The following DPP10 variants were observed in gnomAD, a reference collection of about 807,000 sequenced individuals.
The protein encoded by DPP10 is dipeptidyl peptidase like 10.
A neutral mutation model predicts 120.9 loss-of-function variants in DPP10; 33 were observed. That is an observed-to-expected ratio of 0.27 (90% CI 0.21 to 0.37). The LOEUF (loss-of-function observed/expected upper bound fraction) is 0.37, where lower values mean the gene tolerates loss of function less well. Among genes scored for constraint, DPP10 ranks in the 10% least tolerant of loss-of-function variants. The pLI is 1.00. For missense variants in DPP10, 816 were observed against 942.8 expected (o/e 0.87, Z 1.76); for synonymous variants, 337 against 326.1 (o/e 1.03, Z -0.36).
intron 1 of DPP10, among the ~76,000 whole-genome samples, chr2:114,506,808 A>C (rs1683702951): frequency 6.6e-6 from 1 of 152,238 alleles, no homozygotes; most frequent in Non-Finnish European, 1.5e-5. Flanking sequence ...ATCATGCTTC[A>C]CAAAGACAGC....
chr2:115,442,612 A>G (rs1050302948), intron 3 of DPP10, among the ~76,000 whole-genome samples: 2 of 152,324 alleles, frequency 1.3e-5, no homozygotes, highest in African/African-American at 4.8e-5. Context: ...CAGTCGAACA[A>G]GATGCCATTT....
At chr2:115,682,716 G>A (rs1253419229) in intron 5 of DPP10, among the ~76,000 whole-genome samples, 1 of 151,722 alleles carries the variant, frequency 6.6e-6, no homozygotes, top group African/African-American at 2.4e-5. Context: ...GTGATTTTTG[G>A]TATGCTTTTA....
intron 1 of DPP10, among the ~76,000 whole-genome samples, chr2:114,474,092 G>A (rs1182845314): frequency 6.6e-6 from 1 of 152,070 alleles, no homozygotes; most frequent in African/African-American, 2.4e-5. Flanking sequence ...CGAGTAGCTG[G>A]GATTACAGGC....
chr2:115,105,411 G>T (rs181351632), intron 1 of DPP10, among the ~76,000 whole-genome samples: 1 of 140,842 alleles, frequency 7.1e-6, no homozygotes. Context: ...GGGAGCAGAT[G>T]TGTCACATGG....
chr2:114,877,361 A>T (rs936819408), intron 1 of DPP10, among the ~76,000 whole-genome samples: 2 of 152,050 alleles, frequency 1.3e-5, no homozygotes, highest in African/African-American at 4.8e-5. Context: ...GTAAGAAAGG[A>T]TACATAAGGT....
At position 115,753,365 on chromosome 2, in the gene DPP10, C is replaced by T. The variant is rs1010439409; in HGVS notation, c.1074+68C>T. 5.6e-6 allele frequency: 8 copies of T among 1,432,570 alleles called. No individual in the cohort carries two copies. The Admixed American group carries it at 7.1e-5, about 13-fold the overall frequency. The allele number at this position is 1,432,570 out of a possible 1,614,324, so 88.7% of individuals were successfully genotyped here. ...CTTATGCAGCTTTACAAAGGGGAAA[C>T]AGGAAATGCTTTGTACAAAAAAAAT... On this transcript the variant is annotated intron_variant, in intron 11 of 25. Coordinates refer to ENST00000410059, the MANE Select transcript of DPP10 (RefSeq NM_020868.6).
intron 3 of DPP10, among the ~76,000 whole-genome samples, chr2:115,483,425 G>GCCTA: frequency 6.8e-6 from 1 of 147,674 alleles, no homozygotes; most frequent in East Asian, 2.0e-4. Flanking sequence ...TGCCTGATAT[G>GCCTA]TCTATCTGTC....
intron 1 of DPP10, among the ~76,000 whole-genome samples, chr2:115,009,131 T>C (rs2105072083): frequency 7.5e-6 from 1 of 133,536 alleles, no homozygotes; most frequent in South Asian, 2.7e-4. Context: ...CATGCACACG[T>C]ATGTTTATTG....
At chr2:115,445,875 A>C (rs975494134) in intron 3 of DPP10, among the ~76,000 whole-genome samples, 5 of 152,164 alleles carry the variant, frequency 3.3e-5, no homozygotes, top group Non-Finnish European at 5.9e-5. Context: ...ACAGGCCTGG[A>C]GGTCTAGGAG....
At chr2:115,663,375 T>TG (rs2089168922) in intron 5 of DPP10, among the ~76,000 whole-genome samples, 1 of 152,218 alleles carries the variant, frequency 6.6e-6, no homozygotes, top group African/African-American at 2.4e-5. Flanking sequence ...CTAATGCATA[T>TG]GCATTCCATT....
intron 1 of DPP10, among the ~76,000 whole-genome samples, chr2:114,577,310 A>G (rs530481913): frequency 6.6e-6 from 1 of 152,202 alleles, no homozygotes; most frequent in Non-Finnish European, 1.5e-5. Context: ...AAAGCCAGGA[A>G]CCAACCTCGC....
chr2:114,663,664 T>TAGAGAGAGAGAGAGAGAGAGAG (rs1374317856), intron 1 of DPP10, among the ~76,000 whole-genome samples: 32 of 95,418 alleles, frequency 3.4e-4, no homozygotes, highest in African/African-American at 1.4e-3. Flanking sequence ...TATATATATA[T>TAGAGAGAGAGAGAGAGAGAGAG]ATATAGAGAG....
At chr2:115,669,621 C>A (rs1462255004) in intron 5 of DPP10, among the ~76,000 whole-genome samples, 2 of 152,076 alleles carry the variant, frequency 1.3e-5, no homozygotes, top group African/African-American at 2.4e-5. Context: ...CAGATATTCT[C>A]TGTGGTGGCA....
Position 114,924,289 on chromosome 2 carries a change from G to C in DPP10, c.61-384950G>C, listed in dbSNP as rs556400642. On this transcript the variant is annotated intron_variant, in intron 1 of 25. Transcript: ENST00000410059. ...GCCTGTAATCCTAGCACTTTGGGAG[G>C]CCAAAGGCAGGTGGATTGCCTGAGC... Among the ~76,000 whole-genome samples, 12 of 152,252 alleles carry C rather than the reference G, an allele frequency of 7.9e-5. No homozygotes were observed. In the South Asian group the frequency reaches 2.5e-3, roughly 32 times the overall value.
chr2:115,148,771 C>T (rs957488774), intron 1 of DPP10, among the ~76,000 whole-genome samples: 6 of 152,152 alleles, frequency 3.9e-5, no homozygotes, highest in Middle Eastern at 3.2e-3. Context: ...ATCTTAACCG[C>T]TACGCATGTC....
chr2:114,925,603 G>C (rs1349186413), intron 1 of DPP10, among the ~76,000 whole-genome samples: 1 of 152,138 alleles, frequency 6.6e-6, no homozygotes, highest in African/African-American at 2.4e-5. Flanking sequence ...ACTTCTAGTA[G>C]CATCCAACAT....
chr2:115,464,576 G>GA (rs2074197623), intron 3 of DPP10, among the ~76,000 whole-genome samples: 1 of 151,988 alleles, frequency 6.6e-6, no homozygotes, highest in Non-Finnish European at 1.5e-5. Flanking sequence ...CCTGTATGTT[G>GA]AAACTGTTTA....
chr2:115,368,725 A>G (rs1477694743), intron 3 of DPP10, among the ~76,000 whole-genome samples: 1 of 151,838 alleles, frequency 6.6e-6, no homozygotes, highest in Non-Finnish European at 1.5e-5. Flanking sequence ...GCATGTTATT[A>G]TGAATTTTTA....
chr2:114,812,330 G>A (rs758742741), intron 1 of DPP10, among the ~76,000 whole-genome samples: 31 of 151,968 alleles, frequency 2.0e-4, no homozygotes, highest in Non-Finnish European at 3.4e-4. Flanking sequence ...GGCTGGTCAC[G>A]GTGACTCATG....
Sources: allele counts gnomAD v4.1 joint callset (sites outside exome capture counted in the v4.1 genomes callset), GRCh38; gene constraint gnomAD v4.1.1; transcripts MANE v1.5; gene names NCBI Gene and HGNC (gene_info 2026-07-23, HGNC 2026-07-21).